Variants in ARID4B observed in about 807,000 individuals in gnomAD.
ARID4B encodes the protein AT-rich interaction domain 4B.
In ARID4B, 26 loss-of-function variants were observed where a neutral mutation model predicts 147.5. The observed-to-expected ratio is 0.18, with a 90% CI of 0.13 to 0.24. The LOEUF (loss-of-function observed/expected upper bound fraction) is 0.24. Among genes scored for constraint, ARID4B ranks in the 10% least tolerant of loss-of-function variants. The pLI is 1.00. For synonymous variants in ARID4B, 512 were observed against 507.9 expected, an observed-to-expected ratio of 1.01 and a Z score of -0.11; for missense variants, 1,179 against 1,511.5, an observed-to-expected ratio of 0.78 and a Z score of 3.65.
intron 17 of ARID4B, among the ~76,000 whole-genome samples, chr1:235,207,600 T>A (rs1430593985): frequency 6.6e-6 from 1 of 152,214 alleles, no homozygotes; most frequent in East Asian, 1.9e-4. Context: ...ATCAATACCT[T>A]AATAAAGAAT....
Position 235,246,500 on chromosome 1 carries a change from C to G in ARID4B, c.366G>C (p.Gln122His), listed in dbSNP as rs773434665. 3 of 1,613,286 alleles carry G rather than the reference C, an allele frequency of 1.9e-6. No individual in the cohort carries two copies. Among genetic ancestry groups the G allele is most frequent in the Admixed American group, 1.7e-5 (1 of 60,012 alleles). ...AATGCTCAGGGTTGGTGAGTGGGAG[C>G]TGGTCTAATGTCTGTGGGTAAGAAC... ...RHFAESETLD[Q>H]LPLTNPEHFG... Residue 122 changes from glutamine (Q) to histidine (H), a missense_variant, in exon 7 of 24, where the codon CAG becomes CAC. Gln to His is a conservative substitution (Grantham distance 24). Coordinates refer to ENST00000264183, the MANE Select transcript of ARID4B (RefSeq NM_016374.6).
chr1:235,314,603 G>A (rs1169952587), intron 2 of ARID4B, among the ~76,000 whole-genome samples: 2 of 151,996 alleles, frequency 1.3e-5, no homozygotes, highest in Admixed American at 6.6e-5. Context: ...TTAAGAGAGG[G>A]GACAAGTAGA....
Position 235,250,802 on chromosome 1 carries a change from GC to G in ARID4B, c.354+1927del, listed in dbSNP as rs778837887. Among the ~76,000 whole-genome samples, 9 of 152,208 alleles carry G rather than the reference GC, an allele frequency of 5.9e-5. No individual in the cohort carries two copies. In the East Asian group the frequency reaches 1.5e-3, roughly 26 times the overall value. On this transcript the variant is annotated intron_variant, in intron 6 of 23. Coordinates refer to ENST00000264183, the MANE Select transcript of ARID4B (RefSeq NM_016374.6). ...TCCTTGAAGATATGAAGGATACATA[GC>G]CACTTGTTCATATTACCTTCAGCAT...
At position 235,262,516 on chromosome 1, in the gene ARID4B, C is replaced by T. The variant is rs567419202; in HGVS notation, c.7-1764G>A. Among the ~76,000 whole-genome samples the T allele has an allele frequency of 7.2e-4, 110 of 152,248 alleles. 1 individual carries two copies. The highest frequency in any genetic ancestry group is 2.6e-3 in the African/African-American group (107 of 41,552). On this transcript the variant is annotated intron_variant, in intron 2 of 23. Coordinates refer to ENST00000264183, the MANE Select transcript of ARID4B (RefSeq NM_016374.6). ...ACTACAACTTGATAACTTTACATTG[C>T]TGTTGTACCTAGTGAATAAATGCAT...
chr1:235,324,851 C>A (rs1000755475), intron 2 of ARID4B, among the ~76,000 whole-genome samples: 1 of 152,088 alleles, frequency 6.6e-6, no homozygotes, highest in Non-Finnish European at 1.5e-5. Flanking sequence ...TATTTGAGCC[C>A]AGGAGGCAGC....
intron 9 of ARID4B, 142 bp from the exon 10 acceptor site, chr1:235,231,331 C>T (rs1668221328): frequency 7.5e-6 from 4 of 534,978 alleles, no homozygotes; most frequent in Middle Eastern, 4.9e-4. Flanking sequence ...TGATTGCACA[C>T]AGAGTAGCAA....
At chr1:235,297,161 T>G (rs865781638) in intron 2 of ARID4B, among the ~76,000 whole-genome samples, 11 of 152,008 alleles carry the variant, frequency 7.2e-5, no homozygotes, top group African/African-American at 2.7e-4. Context: ...GGGACAATAT[T>G]CAAAAGAACA....
At chr1:235,182,889 C>T in intron 19 of ARID4B, 96 bp from the exon 20 acceptor site, 1 of 1,248,410 alleles carries the variant, frequency 8.0e-7, no homozygotes, top group Non-Finnish European at 1.1e-6. Context: ...CCTGTGTATA[C>T]AGCCACCCGA....
intron 17 of ARID4B, among the ~76,000 whole-genome samples, chr1:235,196,526 C>G (rs183509594): frequency 4.9e-4 from 75 of 152,208 alleles, no homozygotes; most frequent in African/African-American, 1.8e-3. Flanking sequence ...AAGGTAATAG[C>G]TTCAGTTTTA....
intron 6 of ARID4B, among the ~76,000 whole-genome samples, chr1:235,249,073 C>T (rs1256156108): frequency 1.3e-5 from 2 of 152,210 alleles, no homozygotes; most frequent in East Asian, 3.8e-4. Context: ...TGGCTCACGC[C>T]TGTAATCCCA....
chr1:235,265,438 C>T (rs1460509216), intron 2 of ARID4B, among the ~76,000 whole-genome samples: 1 of 151,778 alleles, frequency 6.6e-6, no homozygotes, highest in Non-Finnish European at 1.5e-5. Context: ...GTGGCTCACA[C>T]CTGTAATCCC....
At chr1:235,184,614 T>C (rs1429850666) in intron 19 of ARID4B, among the ~76,000 whole-genome samples, 2 of 152,248 alleles carry the variant, frequency 1.3e-5, no homozygotes, top group Admixed American at 1.3e-4. Flanking sequence ...ACTAAGATTG[T>C]GAAACCATTT....
chr1:235,298,328 A>G (rs1672890829), intron 2 of ARID4B, among the ~76,000 whole-genome samples: 1 of 152,080 alleles, frequency 6.6e-6, no homozygotes, highest in Admixed American at 6.6e-5. Flanking sequence ...TGTTACCATG[A>G]AGTGTATTCG....
chr1:235,273,755 A>G (rs994855155), intron 2 of ARID4B, among the ~76,000 whole-genome samples: 20 of 152,218 alleles, frequency 1.3e-4, no homozygotes, highest in Non-Finnish European at 2.5e-4. Flanking sequence ...TTCTGCTACA[A>G]CTACACACTC....
At chr1:235,248,326 A>G (rs1000567127) in intron 6 of ARID4B, among the ~76,000 whole-genome samples, 1 of 152,208 alleles carries the variant, frequency 6.6e-6, no homozygotes, top group African/African-American at 2.4e-5. Context: ...CTGGGATTAC[A>G]GGCATGAGCC....
At chr1:235,195,902 T>C (rs906140830) in intron 18 of ARID4B, 129 bp downstream of exon 18, 3 of 621,744 alleles carry the variant, frequency 4.8e-6, no homozygotes, top group South Asian at 1.9e-5. Flanking sequence ...AAATTAATTA[T>C]ATACAAATCT....
intron 2 of ARID4B, among the ~76,000 whole-genome samples, chr1:235,290,671 T>C (rs902811572): frequency 3.3e-5 from 5 of 152,142 alleles, no homozygotes; most frequent in Non-Finnish European, 5.9e-5. Context: ...GCAAAAACAA[T>C]TGAGGAAACT....
At chr1:235,301,950 C>T (rs1366370025) in intron 2 of ARID4B, among the ~76,000 whole-genome samples, 3 of 151,438 alleles carry the variant, frequency 2.0e-5, no homozygotes, top group African/African-American at 4.8e-5. Flanking sequence ...ACCTCGGCCT[C>T]CCAAAGTGCT....
Position 235,257,198 on chromosome 1 carries a change from C to G in ARID4B, c.145G>C (p.Val49Leu). ...TTTATGTGGTCATCCTGAACTTCCA[C>G]TGTTGAAGAATCATGTCTAAATGTC... ...KVTFRHDSST[V>L]EVQDDHIKGP... The change falls in exon 4 of 24, where the codon GTG becomes CTG. Residue 49 changes from valine to leucine, a missense_variant. Transcript: ENST00000264183. 6.2e-7 allele frequency: 1 copy of G among 1,612,946 alleles called. No homozygotes were observed. Among genetic ancestry groups the G allele is most frequent in the Non-Finnish European group, 8.5e-7 (1 of 1,179,086 alleles).
Sources: allele counts gnomAD v4.1 joint callset (sites outside exome capture counted in the v4.1 genomes callset), GRCh38; gene constraint gnomAD v4.1.1; transcripts MANE v1.5; gene names NCBI Gene and HGNC (gene_info 2026-07-23, HGNC 2026-07-21).